The following PDGFRL variants were observed in gnomAD, a reference collection of about 807,000 sequenced individuals.
PDGFRL encodes platelet derived growth factor receptor like.
Under a neutral mutation model 37.2 loss-of-function variants are expected in PDGFRL, and 46 were observed. That is an observed-to-expected ratio of 1.24 (90% CI 0.98 to 1.58). The LOEUF (loss-of-function observed/expected upper bound fraction) is 1.58, where lower values mean the gene tolerates loss of function less well. Among genes scored for constraint, PDGFRL ranks in the 40% most tolerant of loss-of-function variants. The pLI, the probability that PDGFRL is intolerant of heterozygous loss-of-function variation, is 0.00. For missense variants in PDGFRL, 692 were observed against 467.6 expected (o/e 1.48, Z -4.43); for synonymous variants, 251 against 184.3 (o/e 1.36, Z -2.93).
At chr8:17,636,744 T>A (rs775106757) in intron 5 of PDGFRL, among the ~76,000 whole-genome samples, 4 of 152,220 alleles carry the variant, frequency 2.6e-5, no homozygotes, top group Non-Finnish European at 5.9e-5. Context: ...TACCCATCCA[T>A]GAGCATGCGA....
chr8:17,616,734 C>T (rs777279807), intron 2 of PDGFRL, among the ~76,000 whole-genome samples: 1 of 152,082 alleles, frequency 6.6e-6, no homozygotes, highest in Non-Finnish European at 1.5e-5. Flanking sequence ...TAGGAGAACT[C>T]GGGAGCAGGG....
chr8:17,628,637 A>C lies in PDGFRL; in HGVS notation c.656A>C (p.Asn219Thr). 1 of 1,614,202 alleles carries C rather than the reference A, an allele frequency of 6.2e-7. No individual in the cohort carries two copies. The highest frequency in any genetic ancestry group is 8.5e-7 in the Non-Finnish European group (1 of 1,180,036). The change falls in exon 4 of 6, where the codon AAT (asparagine) becomes ACT (threonine). Residue 219 changes from asparagine to threonine, a missense_variant. Physicochemically the swap from Asn to Thr is moderately conservative, Grantham distance 65. Coordinates refer to ENST00000251630, the MANE Select transcript of PDGFRL (RefSeq NM_001372073.1). ...REFPAKEIPA[N>T]GTDIVYDMKR... is the part of the protein sequence containing the mutation. ...TTCCCAGCCAAGGAGATCCCAGCCA[A>C]TGGAACGGACATTGTTTATGACATG...
chr8:17,587,119 G>T (rs1803834931), intron 1 of PDGFRL, among the ~76,000 whole-genome samples: 1 of 152,170 alleles, frequency 6.6e-6, no homozygotes, highest in Admixed American at 6.5e-5. Context: ...GGGGACACTA[G>T]GCTGGCTCCT....
rs536485283 is a variant in PDGFRL at position 17,631,780 on chromosome 8, C to G, written c.800-2294C>G. On this transcript the variant is annotated intron_variant, in intron 4 of 5. Coordinates refer to ENST00000251630, the MANE Select transcript of PDGFRL (RefSeq NM_001372073.1). ...CAGCCTCTGCCCTGGCTCCATTTTT[C>G]CCAGCTTCCCCCACCTCCCCCACAG... 2.0e-5 allele frequency among the ~76,000 whole-genome samples: 3 copies of G among 152,174 alleles called. No individual in the cohort carries two copies. The South Asian group carries it at 6.2e-4, about 32-fold the overall frequency.
intron 2 of PDGFRL, among the ~76,000 whole-genome samples, chr8:17,603,440 C>T (rs1563514221): frequency 6.6e-6 from 1 of 152,182 alleles, no homozygotes; most frequent in Non-Finnish European, 1.5e-5. Context: ...CTAATATAAA[C>T]TTGCTGATGA....
intron 5 of PDGFRL, among the ~76,000 whole-genome samples, chr8:17,642,400 C>T (rs557340364): frequency 5.3e-5 from 8 of 152,282 alleles, no homozygotes; most frequent in African/African-American, 1.2e-4. Flanking sequence ...TGCCAAACAA[C>T]GTAATGAAAT....
chr8:17,595,272 C>T (rs1320869361), intron 2 of PDGFRL, among the ~76,000 whole-genome samples: 1 of 152,162 alleles, frequency 6.6e-6, no homozygotes, highest in African/African-American at 2.4e-5. Context: ...CCACCATCCC[C>T]TCAACCATTA....
intron 2 of PDGFRL, among the ~76,000 whole-genome samples, chr8:17,610,222 G>A (rs1035102068): frequency 6.6e-6 from 1 of 152,180 alleles, no homozygotes; most frequent in Non-Finnish European, 1.5e-5. Flanking sequence ...GCGTTCAGCT[G>A]AGCAGAGCTG....
At chr8:17,596,314 G>C in intron 2 of PDGFRL, 2 of 1,225,256 alleles carry the variant, frequency 1.6e-6, no homozygotes, top group Non-Finnish European at 2.1e-6. Flanking sequence ...GCTGCTCACA[G>C]GCACATGGGC....
In PDGFRL at chr8:17,628,864, A is replaced by G. The variant is rs191468424; in HGVS notation, c.799+84A>G. 6,251 of 889,136 alleles carry G rather than the reference A, an allele frequency of 7.0e-3. 27 individuals are homozygous for G. The highest frequency in any genetic ancestry group is 0.021 in the Middle Eastern group (65 of 3,086). 55.1% of individuals were successfully genotyped at this position (889,136 alleles called of 1,614,324 possible). A position where few individuals can be genotyped will look rare whatever the true frequency, so the allele number is the denominator to read the frequency against. On this transcript the variant is annotated intron_variant, in intron 4 of 5. Coordinates refer to ENST00000251630, the MANE Select transcript of PDGFRL (RefSeq NM_001372073.1). ...GCTGTTCCCTGCCTGCAGATGGAAT[A>G]AGGAAGCTCCATGAGTGCCTTTTGT... is the stretch of plus-strand genomic sequence containing the variant.
chr8:17,612,225 G>C (rs955556631), intron 2 of PDGFRL, among the ~76,000 whole-genome samples: 1 of 152,126 alleles, frequency 6.6e-6, no homozygotes, highest in Non-Finnish European at 1.5e-5. Context: ...TAACCTCCAG[G>C]TATTTAAATA....
At chr8:17,596,986 A>C (rs1330367739) in intron 2 of PDGFRL, among the ~76,000 whole-genome samples, 1 of 152,094 alleles carries the variant, frequency 6.6e-6, no homozygotes, top group African/African-American at 2.4e-5. Context: ...GAAGCTCCCC[A>C]GGTGTTCATC....
In PDGFRL at chr8:17,589,586, C is replaced by A. The variant is rs147541353; in HGVS notation, c.174C>A (p.Ala58=). ...KIPKMKDRDS[A]NSAPKTQSIM... is the part of the protein sequence containing the mutation. ...CTAAAATGAAGGACAGGGACTCAGC[C>A]AATTCAGCACCAAAGACGCAGTCTA... Residue 58 remains alanine (A), a synonymous_variant, in exon 2 of 6, where the codon GCC becomes GCA. Coordinates refer to ENST00000251630, the MANE Select transcript of PDGFRL (RefSeq NM_001372073.1). The A allele has an allele frequency of 8.4e-4, 1,348 of 1,613,760 alleles. 1 individual carries two copies. Among genetic ancestry groups the A allele is most frequent in the Admixed American group, 1.8e-3 (109 of 60,016 alleles).
intron 2 of PDGFRL, among the ~76,000 whole-genome samples, chr8:17,598,877 C>A (rs1241283033): frequency 1.3e-5 from 2 of 152,170 alleles, no homozygotes; most frequent in Non-Finnish European, 1.5e-5. Flanking sequence ...GGTGCTCATT[C>A]TCTCTTGCCA....
intron 5 of PDGFRL, among the ~76,000 whole-genome samples, chr8:17,637,189 C>T (rs575288054): frequency 2.1e-4 from 32 of 152,300 alleles, no homozygotes; most frequent in Admixed American, 9.2e-4. Context: ...TTGCAGTTCT[C>T]AGGGGAAATG....
chr8:17,599,219 C>T (rs1164604635), intron 2 of PDGFRL, among the ~76,000 whole-genome samples: 2 of 152,120 alleles, frequency 1.3e-5, no homozygotes, highest in African/African-American at 4.8e-5. Flanking sequence ...GCCATCAGAT[C>T]CTGGTGCACC....
At chr8:17,605,977 G>C (rs1563515528) in intron 2 of PDGFRL, among the ~76,000 whole-genome samples, 1 of 152,148 alleles carries the variant, frequency 6.6e-6, no homozygotes, top group African/African-American at 2.4e-5. Flanking sequence ...CAAAGGGAGG[G>C]TGGGCCGATG....
At chr8:17,633,945 C>G in intron 4 of PDGFRL, 129 bp from the exon 5 acceptor site, 1 of 922,566 alleles carries the variant, frequency 1.1e-6, no homozygotes, top group East Asian at 2.4e-5. Context: ...ACACTGTCCT[C>G]GCACTGGTCA....
chr8:17,622,409 CCTAGACATAGGCCT>C (rs1804652850), intron 3 of PDGFRL, among the ~76,000 whole-genome samples: 3 of 63,490 alleles, frequency 4.7e-5, no homozygotes, highest in Admixed American at 3.2e-4. Flanking sequence ...CAGACGTAGA[CCTAGACATAGGCCT>C]AGACCTAGAC....
Sources: gnomAD v4.1 joint callset for allele counts (sites outside exome capture counted in the v4.1 genomes callset) on GRCh38, gnomAD v4.1.1 for gene constraint, MANE v1.5 for transcripts, NCBI Gene and HGNC (gene_info 2026-07-23, HGNC 2026-07-21) for gene names.